The following RIN2 variants were observed in gnomAD, a reference collection of about 807,000 sequenced individuals.
The protein encoded by RIN2 is RAB5 interacting protein 2.
Under a neutral mutation model 78.0 loss-of-function variants are expected in RIN2, and 36 were observed. The ratio of observed to expected loss-of-function variants is 0.46; its 90% CI spans 0.35 to 0.61. The LOEUF (loss-of-function observed/expected upper bound fraction) is 0.61. RIN2 is among the 20% of genes least tolerant of loss of function. The probability of loss-of-function intolerance (pLI) is 0.00; values close to 1 mark genes in which losing one functional copy is unlikely to be tolerated. For synonymous variants in RIN2, 466 were observed against 466.8 expected (o/e 1.00, Z 0.02); for missense variants, 1,087 against 1,159.7 (o/e 0.94, Z 0.91).
chr20:19,821,195 T>C (rs2035915352), intron 2 of RIN2, among the ~76,000 whole-genome samples: 1 of 152,188 alleles, frequency 6.6e-6, no homozygotes, highest in South Asian at 2.1e-4. Context: ...CATTTCCACT[T>C]GGGAGACCTA....
intron 2 of RIN2, among the ~76,000 whole-genome samples, chr20:19,868,090 G>GC (rs1315409134): frequency 2.6e-5 from 4 of 152,226 alleles, no homozygotes; most frequent in Non-Finnish European, 4.4e-5. Context: ...GCCCCAAGGA[G>GC]GCCTGTGAGT....
intron 2 of RIN2, among the ~76,000 whole-genome samples, chr20:19,839,670 C>T (rs746063602): frequency 1.3e-5 from 2 of 152,180 alleles, no homozygotes; most frequent in Non-Finnish European, 2.9e-5. Flanking sequence ...GGTTTCTCTC[C>T]TGGGCCTTTC....
At chr20:19,793,045 G>GGAGT (rs1555819826) in intron 1 of RIN2, among the ~76,000 whole-genome samples, 1 of 151,908 alleles carries the variant, frequency 6.6e-6, no homozygotes, top group Non-Finnish European at 1.5e-5. Flanking sequence ...GCCCAGCCAA[G>GGAGT]GGGTATTGAT....
intron 4 of RIN2, among the ~76,000 whole-genome samples, chr20:19,949,598 CT>C (rs2041233367): frequency 6.6e-6 from 1 of 152,228 alleles, no homozygotes; most frequent in Admixed American, 6.5e-5. Context: ...CAGAAATGGC[CT>C]CGCATCACAT....
chr20:19,861,753 C>T (rs1201757837), intron 2 of RIN2, among the ~76,000 whole-genome samples: 1 of 151,958 alleles, frequency 6.6e-6, no homozygotes, highest in Non-Finnish European at 1.5e-5. Context: ...ATCCGATGAT[C>T]ACCCTCCATA....
In RIN2 at chr20:19,935,038, C is replaced by T. The variant is rs2040581187; in HGVS notation, c.58-61C>T. ...TATTGAAAAGCCTGAGTTCCCCGGG[C>T]GCTGTGGGCATGCCACGCCTCTCCA... On this transcript the variant is annotated intron_variant, in intron 3 of 12. Transcript: ENST00000255006. 8.9e-6 allele frequency: 11 copies of T among 1,238,834 alleles called. No individual in the cohort carries two copies. The East Asian group carries it at 1.3e-4, about 14-fold the overall frequency. The allele number at this position is 1,238,834 out of a possible 1,614,324, so 76.7% of individuals were successfully genotyped here. A position where few individuals can be genotyped will look rare whatever the true frequency, so the allele number is the denominator to read the frequency against.
chr20:19,973,957 A>G (rs199575), intron 8 of RIN2, among the ~76,000 whole-genome samples: 42,040 of 152,116 alleles, frequency 0.28, 7,117 homozygotes, highest in African/African-American at 0.48. Context: ...AGAGCATTGC[A>G]TATTTATGAG....
intron 2 of RIN2, among the ~76,000 whole-genome samples, chr20:19,804,150 C>A (rs1490909391): frequency 6.6e-6 from 1 of 152,168 alleles, no homozygotes; most frequent in Non-Finnish European, 1.5e-5. Flanking sequence ...CAAACAAAGG[C>A]AATTTGACTT....
At chr20:19,766,164 C>T (rs780688782) in intron 1 of RIN2, among the ~76,000 whole-genome samples, 6 of 152,130 alleles carry the variant, frequency 3.9e-5, no homozygotes, top group Non-Finnish European at 7.4e-5. Flanking sequence ...CTCTGTATTC[C>T]GGGATTCCTG....
At chr20:19,956,130 C>T (rs759052750) in intron 4 of RIN2, among the ~76,000 whole-genome samples, 12 of 151,610 alleles carry the variant, frequency 7.9e-5, no homozygotes, top group East Asian at 1.9e-4. Flanking sequence ...TTGTGGTGTG[C>T]GCCTATAATC....
Position 19,974,876 on chromosome 20 carries a change from TC to T in RIN2, c.852del (p.Ser285ValfsTer4). 6.2e-7 allele frequency: 1 copy of T among 1,613,976 alleles called. No homozygotes were observed. Among genetic ancestry groups the T allele is most frequent in the Non-Finnish European group, 8.5e-7 (1 of 1,179,880 alleles). The part of the protein sequence containing the change: ...PLFLKVHSQD[L>X]SGGLKRPSTR... ...TTCTTGAAAGTGCACAGCCAGGACC[TC>T]AGTGGAGGCCTGAAACGGCCGAGCA... On this transcript the variant is annotated frameshift_variant, in exon 9 of 13. Transcript: ENST00000255006. LOFTEE classifies it high-confidence loss of function.
chr20:19,900,819 G>A (rs6046440), intron 3 of RIN2, among the ~76,000 whole-genome samples: 19,741 of 150,578 alleles, frequency 0.13, 1,760 homozygotes, highest in African/African-American at 0.26. Context: ...GCGTGGTGGC[G>A]CATGCCTGTA....
chr20:19,917,297 T>C (rs1233100343), intron 3 of RIN2, among the ~76,000 whole-genome samples: 1 of 152,120 alleles, frequency 6.6e-6, no homozygotes, highest in East Asian at 1.9e-4. Context: ...TTGCCAGCCT[T>C]CCATATGGCA....
At chr20:19,895,122 C>G (rs2038662369) in intron 3 of RIN2, among the ~76,000 whole-genome samples, 1 of 152,152 alleles carries the variant, frequency 6.6e-6, no homozygotes, top group Non-Finnish European at 1.5e-5. Flanking sequence ...CCACTGACAA[C>G]AGAGCTCACA....
At chr20:19,946,950 G>A (rs1600900737) in intron 4 of RIN2, among the ~76,000 whole-genome samples, 2 of 147,174 alleles carry the variant, frequency 1.4e-5, no homozygotes, top group Non-Finnish European at 3.0e-5. Context: ...AGAATTGCTC[G>A]AACCCAGGAG....
At chr20:19,841,872 C>T (rs1040184775) in intron 2 of RIN2, among the ~76,000 whole-genome samples, 2 of 152,220 alleles carry the variant, frequency 1.3e-5, no homozygotes, top group African/African-American at 4.8e-5. Context: ...CTGCAGCAAG[C>T]TGTCCAGAAG....
intron 2 of RIN2, among the ~76,000 whole-genome samples, chr20:19,821,467 G>A (rs1174530642): frequency 2.6e-5 from 4 of 151,988 alleles, no homozygotes; most frequent in African/African-American, 9.7e-5. Context: ...GTATTCAGTG[G>A]GGCCCCATCA....
chr20:19,955,742 CCT>C (rs2041505491), intron 4 of RIN2, among the ~76,000 whole-genome samples: 1 of 152,172 alleles, frequency 6.6e-6, no homozygotes, highest in Non-Finnish European at 1.5e-5. Context: ...CAGCATCACT[CCT>C]CTGTGAGGTT....
chr20:19,788,044 A>G (rs2034740287), intron 1 of RIN2, among the ~76,000 whole-genome samples: 1 of 152,218 alleles, frequency 6.6e-6, no homozygotes, highest in South Asian at 2.1e-4. Context: ...TAGATTAAAA[A>G]TACTTAGTGC....
Sources: gnomAD v4.1 joint callset for allele counts (sites outside exome capture counted in the v4.1 genomes callset) on GRCh38, gnomAD v4.1.1 for gene constraint, MANE v1.5 for transcripts, NCBI Gene and HGNC (gene_info 2026-07-23, HGNC 2026-07-21) for gene names.